The following AGXT variants were observed in gnomAD, a reference collection of about 807,000 sequenced individuals.
The protein encoded by AGXT is alanine--glyoxylate aminotransferase, also known as L-alanine: glyoxylate aminotransferase 1.
Under a neutral mutation model 46.9 loss-of-function variants are expected in AGXT, and 41 were observed. That is an observed-to-expected ratio of 0.88 (90% CI 0.68 to 1.14). The LOEUF (loss-of-function observed/expected upper bound fraction) is 1.14, where lower values mean the gene tolerates loss of function less well. Ranked by LOEUF, AGXT falls within the 50% of genes most tolerant of loss-of-function variation. The pLI is 0.00. For synonymous variants in AGXT, 244 were observed against 227.9 expected (o/e 1.07, Z -0.64); for missense variants, 525 against 522.7 (o/e 1.00, Z -0.04).
rs1026930303 is a variant in AGXT at position 240,874,025 on chromosome 2, C to G, written c.643C>G (p.Pro215Ala). ...CTCCCAGAAGGCCCTGAACGCCCCTCCAGGGACCTCGCTCATCTCCTTCAG... is the reference window on the plus strand; with the variant it reads ...CTCCCAGAAGGCCCTGAACGCCCCTGCAGGGACCTCGCTCATCTCCTTCAG... Reference protein sequence around the residue: ...SGSQKALNAPPGTSLISFSDK... With the variant: ...SGSQKALNAPAGTSLISFSDK... The change falls in exon 6 of 11, where the codon CCA becomes GCA. Residue 215 changes from proline to alanine, a missense_variant. Coordinates refer to ENST00000307503, the MANE Select transcript of AGXT (RefSeq NM_000030.3). 17 of 1,613,606 alleles carry G rather than the reference C, an allele frequency of 1.1e-5. No individual in the cohort carries two copies. Among genetic ancestry groups the G allele is most frequent in the Non-Finnish European group, 1.4e-5 (17 of 1,180,022 alleles).
At position 240,873,019 on chromosome 2, in the gene AGXT, G is replaced by C; in HGVS notation, c.565G>C (p.Gly189Arg). The C allele has an allele frequency of 6.2e-7, 1 of 1,613,928 alleles. No homozygotes were observed. The highest frequency in any genetic ancestry group is 1.1e-5 in the South Asian group (1 of 91,080). The stretch of plus-strand genomic sequence containing the variant: ...CCTGGTGGATTCGGTGGCATCCCTG[G>C]GCGGGACCCCCCTTTACATGGACCG... ...LLLVDSVASL[G>R]GTPLYMDRQG... The change falls in exon 5 of 11, where the codon GGC becomes CGC. Residue 189 changes from glycine (G) to arginine (R), a missense_variant. By Grantham distance (125) the Gly-to-Arg change is moderately radical. Transcript: ENST00000307503.
intron 5 of AGXT, 53 bp from the exon 6 acceptor site, chr2:240,873,925 T>G (rs2059005264): frequency 6.6e-7 from 1 of 1,525,804 alleles, no homozygotes; most frequent in Non-Finnish European, 9.1e-7. Context: ...CCCGCTGGAC[T>G]GGCCTGCCCT....
chr2:240,876,052 T>G, intron 8 of AGXT, 48 bp downstream of exon 8: 1 of 1,599,262 alleles, frequency 6.3e-7, no homozygotes, highest in Non-Finnish European at 8.6e-7. Flanking sequence ...CTGGCTGGAT[T>G]GTCGAGGGCG....
At position 240,880,378 on chromosome 2, in the gene AGXT, T is replaced by A. The variant is rs1372909137; in HGVS notation, c.*1557T>A. On this transcript the variant is annotated 3_prime_UTR_variant, in exon 11 of 11. Transcript: ENST00000307503. Reference sequence around the variant, plus strand: ...CCTATTGATGTTGAGCAACTTCTCATGAGCTATCGGCCGTTTGTAGATCTT... The same window carrying A: ...CCTATTGATGTTGAGCAACTTCTCAAGAGCTATCGGCCGTTTGTAGATCTT... The A allele has an allele frequency of 6.6e-6, 1 of 152,136 alleles. No homozygotes were observed. Among genetic ancestry groups the A allele is most frequent in the African/African-American group, 2.4e-5 (1 of 41,414 alleles). The allele number at this position is 152,136 out of a possible 1,614,324, so 9.4% of individuals were successfully genotyped here. A position where few individuals can be genotyped will look rare whatever the true frequency, so the allele number is the denominator to read the frequency against.
In AGXT at chr2:240,880,174, A is replaced by T. The variant is rs921570101; in HGVS notation, c.*1353A>T. 6.6e-6 allele frequency: 1 copy of T among 152,214 alleles called. No homozygotes were observed. Among genetic ancestry groups the T allele is most frequent in the African/African-American group, 2.4e-5 (1 of 41,438 alleles). The allele number at this position is 152,214 out of a possible 1,614,324, so 9.4% of individuals were successfully genotyped here. ...AGGAGTGGAATTGCAGGGTCATACA[A>T]TAGGCTTAACCTTATACGAGACTGC... On this transcript the variant is annotated 3_prime_UTR_variant, in exon 11 of 11. Transcript: ENST00000307503.
Position 240,879,282 on chromosome 2 carries a change from C to T in AGXT, c.*461C>T, listed in dbSNP as rs1274728249. 1 of 228,314 alleles carries T rather than the reference C, an allele frequency of 4.4e-6. No homozygotes were observed. The allele number at this position is 228,314 out of a possible 1,614,324, so 14.1% of individuals were successfully genotyped here. On this transcript the variant is annotated 3_prime_UTR_variant, in exon 11 of 11. Transcript: ENST00000307503. ...CACTCTAGCCCCAGATGTCACACCCCCAAACGTCCTCACGCACCACATCCA... is the reference window on the plus strand; with the variant it reads ...CACTCTAGCCCCAGATGTCACACCCTCAAACGTCCTCACGCACCACATCCA...
intron 5 of AGXT, chr2:240,873,338 G>T: frequency 2.3e-6 from 1 of 439,216 alleles, no homozygotes; most frequent in East Asian, 4.3e-5. Context: ...GAAGCAGTGG[G>T]AAGAGGAAGG....
chr2:240,874,018 C>A lies in AGXT; in HGVS notation c.636C>A (p.Asn212Lys). The change falls in exon 6 of 11, where the codon AAC becomes AAA. Residue 212 changes from asparagine (N) to lysine (K), a missense_variant. Physicochemically the swap from Asn to Lys is moderately conservative, Grantham distance 94. Transcript: ENST00000307503. ...ILYSGSQKAL[N>K]APPGTSLISF... ...ACTCGGGCTCCCAGAAGGCCCTGAA[C>A]GCCCCTCCAGGGACCTCGCTCATCT... is the stretch of plus-strand genomic sequence containing the variant. 6.2e-7 allele frequency: 1 copy of A among 1,613,716 alleles called. No individual in the cohort carries two copies. Among genetic ancestry groups the A allele is most frequent in the South Asian group, 1.1e-5 (1 of 91,084 alleles).
intron 6 of AGXT, 37 bp downstream of exon 6, chr2:240,874,099 T>G: frequency 6.2e-7 from 1 of 1,602,044 alleles, no homozygotes; most frequent in East Asian, 2.2e-5. Context: ...TGTGCAGGGC[T>G]GGGCTTGCAG....
chr2:240,870,718 C>T lies in AGXT; in HGVS notation c.423+10C>T. 6.4e-7 allele frequency: 1 copy of T among 1,553,662 alleles called. No individual in the cohort carries two copies. The highest frequency in any genetic ancestry group is 8.7e-7 in the Non-Finnish European group (1 of 1,148,548). ...GCAGGAGGTGGAGGAGGTAGGGGAC[C>T]CGGGGTGGGGGTCAGGGCCGGGAGG... is the stretch of plus-strand genomic sequence containing the variant. On this transcript the variant is annotated intron_variant, in intron 3 of 10. Coordinates refer to ENST00000307503, the MANE Select transcript of AGXT (RefSeq NM_000030.3).
At position 240,873,060 on chromosome 2, in the gene AGXT, G is replaced by A. The variant is rs1420524521; in HGVS notation, c.595+11G>A. 7 of 1,612,324 alleles carry A rather than the reference G, an allele frequency of 4.3e-6. No homozygotes were observed. The highest frequency in any genetic ancestry group is 5.9e-6 in the Non-Finnish European group (7 of 1,179,124). On this transcript the variant is annotated intron_variant, in intron 5 of 10. Transcript: ENST00000307503. The stretch of plus-strand genomic sequence containing the variant: ...ACATGGACCGGCAAGGTAAGGGTGG[G>A]CTCTGAGAGCCCTACCCAGCCCAAG...
chr2:240,877,457 C>G, intron 8 of AGXT, 80 bp from the exon 9 acceptor site: 1 of 1,358,764 alleles, frequency 7.4e-7, no homozygotes, highest in Non-Finnish European at 1.0e-6. Flanking sequence ...GAGTCAGGTT[C>G]TTCCTCCCGC....
intron 2 of AGXT, 86 bp from the exon 3 acceptor site, chr2:240,870,558 G>T (rs1213502977): frequency 6.7e-7 from 1 of 1,488,004 alleles, no homozygotes; most frequent in Admixed American, 2.0e-5. Flanking sequence ...CCCTCACAGG[G>T]CCCTGCTCAG....
chr2:240,871,438 ACT>A lies in AGXT; in HGVS notation c.516_517del (p.Cys173ProfsTer51), dbSNP rs2058990091. On this transcript the variant is annotated frameshift_variant, in exon 4 of 11. Transcript: ENST00000307503. LOFTEE classifies it high-confidence loss of function. ...TGCAGCCCCTTGATGGCTTCGGGGA[ACT>A]CTGCCACAGGTGAGCCTGGCCCCAG... The part of the protein sequence containing the change: ...VLQPLDGFGE[L>X]CHRYKCLLLV... The A allele has an allele frequency of 6.3e-7, 1 of 1,590,008 alleles. No individual in the cohort carries two copies. Among genetic ancestry groups the A allele is most frequent in the Admixed American group, 1.8e-5 (1 of 56,786 alleles).
intron 8 of AGXT, 124 bp downstream of exon 8, chr2:240,876,128 C>G (rs1011533439): frequency 8.3e-7 from 1 of 1,199,360 alleles, no homozygotes; most frequent in African/African-American, 1.5e-5. Flanking sequence ...GAGAGGCCCT[C>G]AGTGGGGGTG....
Position 240,878,975 on chromosome 2 carries a change from C to T in AGXT, c.*154C>T. 1.3e-6 allele frequency: 1 copy of T among 742,422 alleles called. No homozygotes were observed. The highest frequency in any genetic ancestry group is 2.3e-6 in the Non-Finnish European group (1 of 436,034). The allele number at this position is 742,422 out of a possible 1,614,324, so 46.0% of individuals were successfully genotyped here. A position where few individuals can be genotyped will look rare whatever the true frequency, so the allele number is the denominator to read the frequency against. On this transcript the variant is annotated 3_prime_UTR_variant, in exon 11 of 11. Coordinates refer to ENST00000307503, the MANE Select transcript of AGXT (RefSeq NM_000030.3). The stretch of plus-strand genomic sequence containing the variant: ...AGGCAGAACCAGGCAGCCTCCCTGG[C>T]CCCAGGCAGCCCTTTTCCCTCCAGT...
chr2:240,878,193 C>G, intron 10 of AGXT, 43 bp downstream of exon 10: 1 of 1,608,342 alleles, frequency 6.2e-7, no homozygotes, highest in Non-Finnish European at 8.5e-7. Context: ...AAACCAAACC[C>G]GCCACCCCTC....
chr2:240,872,965 C>T lies in AGXT; in HGVS notation c.525-14C>T. On this transcript the variant is annotated splice_polypyrimidine_tract_variant and intron_variant, in intron 4 of 10. Coordinates refer to ENST00000307503, the MANE Select transcript of AGXT (RefSeq NM_000030.3). ...CTCACCTGCTGCCCTCCATTCTGTC[C>T]CCCACCTCTCCAGGTACAAGTGCCT... is the stretch of plus-strand genomic sequence containing the variant. The T allele has an allele frequency of 6.2e-7, 1 of 1,613,404 alleles. No individual in the cohort carries two copies. Among genetic ancestry groups the T allele is most frequent in the Non-Finnish European group, 8.5e-7 (1 of 1,179,446 alleles).
In AGXT at chr2:240,871,583, G is replaced by A. The variant is rs538338287; in HGVS notation, c.524+134G>A. The A allele has an allele frequency of 1.9e-5, 16 of 830,940 alleles. No individual in the cohort carries two copies. In the African/African-American group the frequency reaches 2.3e-4, roughly 12 times the overall value. The allele number at this position is 830,940 out of a possible 1,614,324, so 51.5% of individuals were successfully genotyped here. ...CTCTGTCACATGGTATGGGGTGCAG[G>A]CACCTCCCAGGTCCTCTTTGCTCTG... On this transcript the variant is annotated intron_variant, in intron 4 of 10. Coordinates refer to ENST00000307503, the MANE Select transcript of AGXT (RefSeq NM_000030.3).
Sources: allele counts gnomAD v4.1 joint callset, GRCh38; gene constraint gnomAD v4.1.1; transcripts MANE v1.5; gene names NCBI Gene and HGNC (gene_info 2026-07-23, HGNC 2026-07-21).